TUT4: variants seen among roughly 807,000 people sequenced by gnomAD.
TUT4 encodes the protein terminal uridylyl transferase 4.
In TUT4, 36 loss-of-function variants were observed where a neutral mutation model predicts 192.2. That is an observed-to-expected ratio of 0.19 (90% CI 0.14 to 0.25). The LOEUF (loss-of-function observed/expected upper bound fraction) is 0.25. TUT4 is among the 10% of genes least tolerant of loss of function. TUT4 has a pLI of 1.00. For missense variants in TUT4, 1,493 were observed against 1,957.2 expected (o/e 0.76, Z 4.47); for synonymous variants, 618 against 666.0 (o/e 0.93, Z 1.11).
At chr1:52,516,186 A>G in intron 2 of TUT4, 132 bp from the exon 3 acceptor site, 1 of 740,806 alleles carries the variant, frequency 1.3e-6, no homozygotes, top group Middle Eastern at 3.9e-4. Context: ...AAAGTATACA[A>G]GTTGGTATGC....
chr1:52,477,416 TA>T (rs940375874), intron 12 of TUT4, among the ~76,000 whole-genome samples: 1 of 151,514 alleles, frequency 6.6e-6, no homozygotes, highest in African/African-American at 2.4e-5. Flanking sequence ...CTACAAAAAA[TA>T]AAAAAAATTA....
intron 6 of TUT4, among the ~76,000 whole-genome samples, chr1:52,494,335 C>T (rs1206175853): frequency 6.6e-6 from 1 of 152,060 alleles, no homozygotes; most frequent in Non-Finnish European, 1.5e-5. Context: ...AGTCAAAAGG[C>T]TTAGAATAAA....
At chr1:52,480,504 A>G (rs933396412) in intron 11 of TUT4, among the ~76,000 whole-genome samples, 1 of 152,238 alleles carries the variant, frequency 6.6e-6, no homozygotes, top group Non-Finnish European at 1.5e-5. Flanking sequence ...GAAATCAAAA[A>G]TAGTAAATAC....
chr1:52,462,666 G>T (rs1570568416), intron 16 of TUT4: 1 of 955,212 alleles, frequency 1.0e-6, no homozygotes. Context: ...CACAAAATAA[G>T]CCTTTAAATC....
chr1:52,471,294 C>T lies in TUT4; in HGVS notation c.2878+658G>A, dbSNP rs578121774. ...CCTCCCAAAATGCTGGGATTACAGG[C>T]GTGGGCCACTGCGCCCGGCCACTCT... On this transcript the variant is annotated intron_variant, in intron 14 of 29. Coordinates refer to ENST00000257177, the MANE Select transcript of TUT4 (RefSeq NM_001009881.3). Among the ~76,000 whole-genome samples, 7 of 152,240 alleles carry T rather than the reference C, an allele frequency of 4.6e-5. No homozygotes were observed. In the South Asian group the frequency reaches 1.2e-3, roughly 27 times the overall value.
intron 20 of TUT4, among the ~76,000 whole-genome samples, chr1:52,451,842 C>CA (rs757255301): frequency 0.069 from 5,861 of 84,372 alleles, 248 homozygotes; most frequent in African/African-American, 0.17. Flanking sequence ...GATTCCATCT[C>CA]AAAAAAAAAA....
At chr1:52,515,789 C>A in intron 3 of TUT4, 102 bp downstream of exon 3, 1 of 1,376,738 alleles carries the variant, frequency 7.3e-7, no homozygotes, top group Non-Finnish European at 1.0e-6. Flanking sequence ...ATGAATGCAA[C>A]CTCTGTCTTA....
At chr1:52,437,004 G>GAC in intron 25 of TUT4, 26 bp from the exon 26 acceptor site, 1 of 1,606,662 alleles carries the variant, frequency 6.2e-7, no homozygotes, top group Non-Finnish European at 8.5e-7. Context: ...TGGGGCTAGG[G>GAC]ACTTGTAAAT....
At chr1:52,483,078 T>C (rs72903653) in intron 9 of TUT4, among the ~76,000 whole-genome samples, 9,328 of 152,230 alleles carry the variant, frequency 0.061, 312 homozygotes, top group South Asian at 0.086. Context: ...ATACACCCCT[T>C]CAAACACTAG....
chr1:52,450,787 A>G (rs1369801784), intron 20 of TUT4, among the ~76,000 whole-genome samples: 1 of 152,192 alleles, frequency 6.6e-6, no homozygotes, highest in Non-Finnish European at 1.5e-5. Flanking sequence ...TGGTATTTCT[A>G]TTACTTCATG....
intron 1 of TUT4, among the ~76,000 whole-genome samples, chr1:52,535,470 T>C (rs546190154): frequency 2.0e-5 from 3 of 152,310 alleles, no homozygotes; most frequent in African/African-American, 4.8e-5. Context: ...CTAAAATTCT[T>C]TCTCAAACTT....
At chr1:52,424,165 A>T (rs1648993631) in intron 29 of TUT4, 163 bp from the exon 30 acceptor site, 1 of 669,206 alleles carries the variant, frequency 1.5e-6, no homozygotes, top group Non-Finnish European at 2.5e-6. Flanking sequence ...AAAATGAAGA[A>T]GGGAAGGAAA....
intron 1 of TUT4, among the ~76,000 whole-genome samples, chr1:52,544,917 G>A (rs375949636): frequency 6.6e-6 from 1 of 151,832 alleles, no homozygotes; most frequent in African/African-American, 2.4e-5. Context: ...TTCGAGTGTC[G>A]TGGTGACATG....
intron 1 of TUT4, among the ~76,000 whole-genome samples, chr1:52,536,784 G>A (rs1685015802): frequency 6.6e-6 from 1 of 152,098 alleles, no homozygotes; most frequent in Non-Finnish European, 1.5e-5. Context: ...AACCCAGGAG[G>A]TGGAGGTTGC....
chr1:52,471,218 T>C (rs1021717974), intron 14 of TUT4, among the ~76,000 whole-genome samples: 1 of 152,080 alleles, frequency 6.6e-6, no homozygotes, highest in African/African-American at 2.4e-5. Context: ...GGTTTCACCA[T>C]GTTGGCCAGG....
At chr1:52,444,903 A>G (rs1656929368) in intron 24 of TUT4, among the ~76,000 whole-genome samples, 1 of 133,458 alleles carries the variant, frequency 7.5e-6, no homozygotes, top group Non-Finnish European at 1.5e-5. Flanking sequence ...GTGTGTATAT[A>G]TATATGTATA....
intron 20 of TUT4, 81 bp downstream of exon 20, chr1:52,458,255 G>T: frequency 6.3e-6 from 6 of 948,236 alleles, no homozygotes; most frequent in Non-Finnish European, 9.7e-6. Flanking sequence ...CCTTCATGAT[G>T]ACATGAACCA....
intron 5 of TUT4, 64 bp downstream of exon 5, chr1:52,496,942 A>G (rs1672597675): frequency 4.8e-6 from 7 of 1,449,376 alleles, no homozygotes; most frequent in Non-Finnish European, 5.7e-6. Context: ...AATGTACTCT[A>G]GTTCAAGAGG....
chr1:52,423,977 T>C lies in TUT4; in HGVS notation c.4896A>G (p.Arg1632=). ...CTCTTGGTGGGTGGGGACAACGCTC[T>C]CTACACCGACGGGTGGCACATCTGT... is the stretch of plus-strand genomic sequence containing the variant. ...TQDRCATRRC[R]ERCPHPPRGN... The change falls in exon 30 of 30, where the codon AGA becomes AGG. Residue 1632 remains arginine (R), a synonymous_variant. Coordinates refer to ENST00000257177, the MANE Select transcript of TUT4 (RefSeq NM_001009881.3). The C allele has an allele frequency of 2.5e-6, 4 of 1,613,092 alleles. No homozygotes were observed. Among genetic ancestry groups the C allele is most frequent in the African/African-American group, 1.3e-5 (1 of 75,036 alleles).
Sources: gnomAD v4.1 joint callset for allele counts (sites outside exome capture counted in the v4.1 genomes callset) on GRCh38, gnomAD v4.1.1 for gene constraint, MANE v1.5 for transcripts, NCBI Gene and HGNC (gene_info 2026-07-23, HGNC 2026-07-21) for gene names.